The following ACSM3 variants were observed in gnomAD, a reference collection of about 807,000 sequenced individuals.
The protein encoded by ACSM3 is acyl-coenzyme A synthetase ACSM3, mitochondrial.
ACSM3 carries 61 observed loss-of-function variants against 74.1 expected under a neutral mutation model. The ratio of observed to expected loss-of-function variants is 0.82; its 90% CI spans 0.67 to 1.02. ACSM3 has a LOEUF of 1.02. Among genes scored for constraint, ACSM3 ranks in the 50% least tolerant of loss-of-function variants. The probability of loss-of-function intolerance (pLI) is 0.00; values close to 1 mark genes in which losing one functional copy is unlikely to be tolerated. For missense variants in ACSM3, 660 were observed against 697.0 expected (o/e 0.95, Z 0.60); for synonymous variants, 213 against 241.5 (o/e 0.88, Z 1.09).
intron 1 of ACSM3, among the ~76,000 whole-genome samples, chr16:20,698,202 A>G (rs1596480657): frequency 1.3e-5 from 2 of 151,788 alleles, no homozygotes; most frequent in African/African-American, 2.4e-5. Flanking sequence ...AAAAAAAAAA[A>G]AAAAGAAAAA....
At position 20,790,637 on chromosome 16, in the gene ACSM3, T is replaced by G. The variant is rs2080577104; in HGVS notation, c.1275T>G (p.Ile425Met). The G allele has an allele frequency of 6.2e-7, 1 of 1,614,162 alleles. No individual in the cohort carries two copies. Among genetic ancestry groups the G allele is most frequent in the Non-Finnish European group, 8.5e-7 (1 of 1,179,998 alleles). Residue 425 changes from isoleucine (I) to methionine (M), a missense_variant, in exon 10 of 14, where the codon ATT becomes ATG. Ile to Met is a conservative substitution (Grantham distance 10). Coordinates refer to ENST00000289416, the MANE Select transcript of ACSM3 (RefSeq NM_005622.4). The surrounding 1 kb of genome is among the most constrained non-coding windows in gnomAD (Gnocchi z 4.0). ...NVLPPGQEGD[I>M]GIQVLPNRPF... ...TACCTCCTGGACAAGAAGGAGATAT[T>G]GGCATTCAAGTTCTACCCAACCGAC...
chr16:20,709,125 A>T (rs969814217), intron 1 of ACSM3, among the ~76,000 whole-genome samples: 53 of 152,184 alleles, frequency 3.5e-4, no homozygotes, highest in Admixed American at 3.4e-3. Context: ...AGTATAATTT[A>T]AAAAATGGTG....
chr16:20,720,259 A>C (rs1455487640), intron 1 of ACSM3, among the ~76,000 whole-genome samples: 1 of 152,198 alleles, frequency 6.6e-6, no homozygotes, highest in African/African-American at 2.4e-5. Flanking sequence ...AACTTACCAT[A>C]ATGTAGAATC....
chr16:20,741,622 C>A, intron 1 of ACSM3: 1 of 1,574,344 alleles, frequency 6.4e-7, no homozygotes, highest in Non-Finnish European at 8.6e-7. Context: ...AGCCCGGGCT[C>A]TAGCTGACGG....
chr16:20,754,618 C>T (rs773063175), intron 2 of ACSM3, among the ~76,000 whole-genome samples: 5 of 152,196 alleles, frequency 3.3e-5, no homozygotes, highest in Non-Finnish European at 7.4e-5. Flanking sequence ...TGAATTACTT[C>T]CCATTTGGAG....
At chr16:20,683,896 T>C (rs951924849) in intron 1 of ACSM3, among the ~76,000 whole-genome samples, 2 of 152,144 alleles carry the variant, frequency 1.3e-5, no homozygotes, top group Non-Finnish European at 2.9e-5. Context: ...GACCATCTTA[T>C]AGGTCTACAG....
At chr16:20,687,401 G>A (rs2079572982) in intron 1 of ACSM3, among the ~76,000 whole-genome samples, 1 of 152,126 alleles carries the variant, frequency 6.6e-6, no homozygotes, top group African/African-American at 2.4e-5. Context: ...TGCACACACA[G>A]AGGCCAAGGA....
chr16:20,718,399 G>C, intron 1 of ACSM3: 1 of 926,612 alleles, frequency 1.1e-6, no homozygotes, highest in East Asian at 3.4e-5. Context: ...TCAAGAACCA[G>C]TGGCCATTTA....
intron 1 of ACSM3, among the ~76,000 whole-genome samples, chr16:20,742,314 C>G (rs1281241151): frequency 6.6e-6 from 1 of 152,104 alleles, no homozygotes; most frequent in Non-Finnish European, 1.5e-5. Context: ...TGAGCCCAGT[C>G]GAGAAGGGCC....
intron 2 of ACSM3, among the ~76,000 whole-genome samples, chr16:20,753,748 G>A (rs933608367): frequency 6.6e-6 from 1 of 152,044 alleles, no homozygotes; most frequent in East Asian, 1.9e-4. Flanking sequence ...TAATGAAGAG[G>A]TGGAGGGAGA....
intron 9 of ACSM3, chr16:20,786,411 T>C (rs1466124796): frequency 1.4e-6 from 1 of 689,898 alleles, no homozygotes; most frequent in Non-Finnish European, 2.0e-6. Flanking sequence ...CTGGATGCAG[T>C]GGCTCACGCC....
intron 2 of ACSM3, among the ~76,000 whole-genome samples, chr16:20,750,396 A>C (rs1362547548): frequency 6.6e-6 from 1 of 152,224 alleles, no homozygotes; most frequent in Non-Finnish European, 1.5e-5. Flanking sequence ...AAATGTGGGC[A>C]GAAGTGATAC....
intron 3 of ACSM3, among the ~76,000 whole-genome samples, chr16:20,757,789 T>C (rs1806998621): frequency 6.6e-6 from 1 of 151,724 alleles, no homozygotes; most frequent in South Asian, 2.1e-4. Flanking sequence ...AGATAGCTCT[T>C]ATTATTTTGA....
chr16:20,682,927 C>T (rs2079476447), intron 1 of ACSM3, among the ~76,000 whole-genome samples: 2 of 152,064 alleles, frequency 1.3e-5, no homozygotes, highest in African/African-American at 2.4e-5. Flanking sequence ...TATTTCACCA[C>T]ATTGTCCTTT....
chr16:20,723,658 G>C (rs1200180912), intron 1 of ACSM3, among the ~76,000 whole-genome samples: 1 of 152,144 alleles, frequency 6.6e-6, no homozygotes, highest in Non-Finnish European at 1.5e-5. Context: ...TTTTTCATGT[G>C]TTTTTTGGCT....
intron 2 of ACSM3, among the ~76,000 whole-genome samples, chr16:20,752,430 T>G (rs1293146115): frequency 2.0e-5 from 3 of 152,208 alleles, no homozygotes; most frequent in African/African-American, 7.2e-5. Flanking sequence ...GGTTGTCTCA[T>G]GATAAAAGAA....
rs1052743414 is a variant in ACSM3 at position 20,796,807 on chromosome 16, A to G, written c.1675-79A>G. The G allele has an allele frequency of 1.3e-6, 2 of 1,583,818 alleles. 1 individual carries two copies. The highest frequency in any genetic ancestry group is 2.4e-5 in the South Asian group (2 of 84,220). On this transcript the variant is annotated intron_variant, in intron 13 of 13. Transcript: ENST00000289416. The stretch of plus-strand genomic sequence containing the variant: ...ATTCTAATTCTTCCACCTAGAATTC[A>G]TAATCAAACTGCTATATAATTGGCT...
intron 1 of ACSM3, chr16:20,680,467 G>A (rs748531947): frequency 1.3e-5 from 2 of 152,188 alleles, no homozygotes; most frequent in Admixed American, 1.3e-4. Flanking sequence ...TGTACGTGGA[G>A]GAACTAATAT....
At chr16:20,788,576 G>A (rs1260274143) in intron 9 of ACSM3, among the ~76,000 whole-genome samples, 1 of 152,150 alleles carries the variant, frequency 6.6e-6, no homozygotes, top group African/African-American at 2.4e-5. Context: ...GTAACATTCT[G>A]GCATCTGGGG....
Sources: gnomAD v4.1 joint callset for allele counts (sites outside exome capture counted in the v4.1 genomes callset) on GRCh38, gnomAD v4.1.1 for gene constraint, Gnocchi (gnomAD v3.1) non-coding constraint, MANE v1.5 for transcripts, NCBI Gene and HGNC (gene_info 2026-07-23, HGNC 2026-07-21) for gene names.